Variants in MICAL1 observed in about 807,000 individuals in gnomAD.
The protein encoded by MICAL1 is [F-actin]-monooxygenase MICAL1.
A neutral mutation model predicts 131.8 loss-of-function variants in MICAL1; 95 were observed. That is an observed-to-expected ratio of 0.72 (90% CI 0.61 to 0.86). MICAL1 has a LOEUF of 0.86. Ranked by LOEUF, MICAL1 falls within the 40% of genes least tolerant of loss-of-function variation. MICAL1 has a pLI of 0.00. For synonymous variants in MICAL1, 546 were observed against 554.2 expected, an observed-to-expected ratio of 0.99 and a Z score of 0.21; for missense variants, 1,292 against 1,380.6, an observed-to-expected ratio of 0.94 and a Z score of 1.02.
At chr6:109,460,359 TAA>T (rs1351361975), upstream of MICAL1, among the ~76,000 whole-genome samples, 1 of 143,804 alleles carries the variant, frequency 7.0e-6, no homozygotes, top group Non-Finnish European at 1.5e-5. Flanking sequence ...CTCAGGAGGC[TAA>T]GAGGCTGTAG....
chr6:109,444,067 G>A lies in MICAL1; in HGVS notation c.*124C>T, dbSNP rs764917010. On this transcript the variant is annotated 3_prime_UTR_variant, in exon 25 of 25. Coordinates refer to ENST00000358807, the MANE Select transcript of MICAL1 (RefSeq NM_022765.4). ...TGTAGGCGGTGTGAACGCTGTTTGT[G>A]GCAGAAACATTTTAATTGTAAACAG... 213 of 1,480,414 alleles carry A rather than the reference G, an allele frequency of 1.4e-4. No homozygotes were observed. The highest frequency in any genetic ancestry group is 1.9e-4 in the Non-Finnish European group (206 of 1,112,024). 91.7% of individuals were successfully genotyped at this position (1,480,414 alleles called of 1,614,324 possible). A position where few individuals can be genotyped will look rare whatever the true frequency, so the allele number is the denominator to read the frequency against.
upstream of MICAL1, among the ~76,000 whole-genome samples, chr6:109,458,441 C>A (rs1393181416): frequency 6.6e-6 from 1 of 151,954 alleles, no homozygotes; most frequent in African/African-American, 2.4e-5. Flanking sequence ...ATGAAAAATA[C>A]AAAATTAGCC....
intron 11 of MICAL1, 135 bp from the exon 12 acceptor site, chr6:109,449,014 A>C (rs1775384728): frequency 2.6e-6 from 3 of 1,166,416 alleles, no homozygotes; most frequent in Non-Finnish European, 3.6e-6. Context: ...CACCAGCCTA[A>C]AGCTGACTAT....
intron 6 of MICAL1, 173 bp from the exon 7 acceptor site, chr6:109,451,873 C>T: frequency 7.1e-7 from 1 of 1,410,298 alleles, no homozygotes; most frequent in Non-Finnish European, 9.2e-7. Flanking sequence ...CTGTCCCAGG[C>T]CCAGGAGGCC....
At position 109,453,977 on chromosome 6, in the gene MICAL1, G is replaced by A; in HGVS notation, c.220C>T (p.Pro74Ser). The A allele has an allele frequency of 6.2e-7, 1 of 1,614,040 alleles. No homozygotes were observed. The highest frequency in any genetic ancestry group is 8.5e-7 in the Non-Finnish European group (1 of 1,180,028). ...CAGGCCCGGCCCTGCTGGTAGACAG[G>A]CTGGCCTGCTCGCTTGTCCAGCTTG... ...WTKLDKRAGQ[P>S]VYQQGRACTS... Residue 74 changes from proline to serine, a missense_variant, in exon 2 of 25, where the codon CCT becomes TCT. Physicochemically the swap from Pro to Ser is moderately conservative, Grantham distance 74. Coordinates refer to ENST00000358807, the MANE Select transcript of MICAL1 (RefSeq NM_022765.4).
At chr6:109,465,607 T>C (rs1582667216) in intron 1 of MICAL1, 1 of 1,517,486 alleles carries the variant, frequency 6.6e-7, no homozygotes, top group East Asian at 2.4e-5. Context: ...TATGAGACAT[T>C]GCAGATTAAA....
intron 20 of MICAL1, 38 bp from the exon 21 acceptor site, chr6:109,445,567 G>A: frequency 1.2e-6 from 2 of 1,600,256 alleles, no homozygotes; most frequent in Non-Finnish European, 1.7e-6. Flanking sequence ...TAGGGCCTGG[G>A]CCCCCTGGTG....
At chr6:109,453,117 G>T in intron 4 of MICAL1, 146 bp downstream of exon 4, 1 of 633,236 alleles carries the variant, frequency 1.6e-6, no homozygotes, top group Non-Finnish European at 2.8e-6. Context: ...CCGAGATCAT[G>T]CCACTGCACT....
Position 109,445,014 on chromosome 6 carries a change from G to A in MICAL1, c.2882-19C>T. 6.2e-7 allele frequency: 1 copy of A among 1,611,542 alleles called. No individual in the cohort carries two copies. ...GGGGAACCTGAGAAGAAGGAAGATGGGTAGGGTGATCAGGAGGCTTCCAGC... is the reference window on the plus strand; with the variant it reads ...GGGGAACCTGAGAAGAAGGAAGATGAGTAGGGTGATCAGGAGGCTTCCAGC... On this transcript the variant is annotated intron_variant, in intron 22 of 24. Coordinates refer to ENST00000358807, the MANE Select transcript of MICAL1 (RefSeq NM_022765.4).
rs1775696023 is a variant in MICAL1 at position 109,455,138 on chromosome 6, G to T, written c.-44+581C>A. On this transcript the variant is annotated intron_variant, in intron 1 of 24. Coordinates refer to ENST00000358807, the MANE Select transcript of MICAL1 (RefSeq NM_022765.4). This position sits in a 1 kb window ranked among gnomAD's most constrained non-coding sequence, Gnocchi z 4.7. ...GTCGCCCCCTCCCACGCCACCTGAAGGGTGCCCGAGGGGGTTTCTCACGCG... is the reference window on the plus strand; with the variant it reads ...GTCGCCCCCTCCCACGCCACCTGAATGGTGCCCGAGGGGGTTTCTCACGCG... 6.6e-6 allele frequency among the ~76,000 whole-genome samples: 1 copy of T among 152,090 alleles called. No individual in the cohort carries two copies. Among genetic ancestry groups the T allele is most frequent in the African/African-American group, 2.4e-5 (1 of 41,436 alleles).
At chr6:109,445,154 C>T in intron 22 of MICAL1, 43 bp downstream of exon 22, 3 of 1,607,812 alleles carry the variant, frequency 1.9e-6, no homozygotes, top group Non-Finnish European at 2.5e-6. Flanking sequence ...TGGAGCTGAA[C>T]ACAGTGCTAG....
rs763589445 is a variant in MICAL1 at position 109,454,167 on chromosome 6, C to T, written c.30G>A (p.Ala10=). 10 of 1,608,158 alleles carry T rather than the reference C, an allele frequency of 6.2e-6. No individual in the cohort carries two copies. The highest frequency in any genetic ancestry group is 1.7e-5 in the Admixed American group (1 of 59,154). MASPTSTNP[A]HAHFESFLQA... ...GCAGGAAGCTCTCAAAGTGGGCATG[C>T]GCTGGGTTGGTGGAGGTAGGTGAAG... is the stretch of plus-strand genomic sequence containing the variant. Residue 10 remains alanine, a synonymous_variant, in exon 2 of 25, where the codon GCG becomes GCA. Coordinates refer to ENST00000358807, the MANE Select transcript of MICAL1 (RefSeq NM_022765.4).
chr6:109,447,294 C>T, intron 16 of MICAL1, 63 bp downstream of exon 16: 2 of 1,613,978 alleles, frequency 1.2e-6, no homozygotes, highest in South Asian at 1.1e-5. Flanking sequence ...TCTTTCCCTC[C>T]CATGAAACGC....
intron 11 of MICAL1, 92 bp from the exon 12 acceptor site, chr6:109,448,971 G>A: frequency 6.5e-7 from 1 of 1,536,928 alleles, no homozygotes; most frequent in East Asian, 2.4e-5. Context: ...GTTCTGTAGG[G>A]GAGGAGGAGT....
chr6:109,462,269 T>C (rs1480361926), intron 1 of MICAL1, among the ~76,000 whole-genome samples: 3 of 152,206 alleles, frequency 2.0e-5, no homozygotes, highest in Non-Finnish European at 1.5e-5. Flanking sequence ...CCAACCCCAC[T>C]GACACGTTGA....
Position 109,450,404 on chromosome 6 carries a change from C to T in MICAL1, c.1087G>A (p.Ala363Thr). The part of the protein sequence containing the change: ...QDAHGQPDVS[A>T]FDFTSMMRAE... ...CGCATCATGCTCGTGAAGTCAAAGG[C>T]AGAGACATCAGGCTGCCCATGGGCA... The change falls in exon 8 of 25, where the codon GCC becomes ACC. Residue 363 changes from alanine to threonine, a missense_variant. Ala to Thr is a moderately conservative substitution (Grantham distance 58). Coordinates refer to ENST00000358807, the MANE Select transcript of MICAL1 (RefSeq NM_022765.4). 6.2e-7 allele frequency: 1 copy of T among 1,613,600 alleles called. No individual in the cohort carries two copies. The highest frequency in any genetic ancestry group is 8.5e-7 in the Non-Finnish European group (1 of 1,179,962).
In MICAL1 at chr6:109,449,825, G is replaced by A. The variant is rs115958928; in HGVS notation, c.1308-42C>T. ...AAGGGGCAGGGGCATGAATGGGAGGGCACCTGTCAGCACCCACCTCTCAGG... is the reference window on the plus strand; with the variant it reads ...AAGGGGCAGGGGCATGAATGGGAGGACACCTGTCAGCACCCACCTCTCAGG... On this transcript the variant is annotated intron_variant, in intron 9 of 24. Transcript: ENST00000358807. The A allele has an allele frequency of 6.6e-5, 104 of 1,586,630 alleles. 1 individual carries two copies. In the African/African-American group the frequency reaches 1.3e-3, roughly 20 times the overall value.
rs1364152874 is a variant in MICAL1, at chr6:109,455,736, G to C, written c.-61C>G. The stretch of plus-strand genomic sequence containing the variant: ...CGACTTACCGGCGGCTCCGAAGCCG[G>C]GAGGGGCCGCTTCCTGTTGGGCTGG... On this transcript the variant is annotated 5_prime_UTR_variant, in exon 1 of 25. Coordinates refer to ENST00000358807, the MANE Select transcript of MICAL1 (RefSeq NM_022765.4). This position sits in a 1 kb window ranked among gnomAD's most constrained non-coding sequence, Gnocchi z 4.7. 12 of 984,232 alleles carry C rather than the reference G, an allele frequency of 1.2e-5. No individual in the cohort carries two copies. The highest frequency in any genetic ancestry group is 1.3e-5 in the Non-Finnish European group (11 of 829,688). 61.0% of individuals were successfully genotyped at this position (984,232 alleles called of 1,614,324 possible).
Position 109,446,764 on chromosome 6 carries a change from A to G in MICAL1, c.2236T>C (p.Tyr746His). Residue 746 changes from tyrosine to histidine, a missense_variant, in exon 18 of 25, where the codon TAC becomes CAC. Coordinates refer to ENST00000358807, the MANE Select transcript of MICAL1 (RefSeq NM_022765.4). ...YEQHPGDGHF[Y>H]CLQHLPQTDH... ...GTCTGGGGCAGGTGCTGGAGGCAGT[A>G]GAAATGTCCTGGAAAGGGTAGAGAG... The G allele has an allele frequency of 6.2e-7, 1 of 1,613,570 alleles. No individual in the cohort carries two copies.
Sources: gnomAD v4.1 joint callset for allele counts (sites outside exome capture counted in the v4.1 genomes callset) on GRCh38, gnomAD v4.1.1 for gene constraint, Gnocchi (gnomAD v3.1) non-coding constraint, MANE v1.5 for transcripts, NCBI Gene and HGNC (gene_info 2026-07-23, HGNC 2026-07-21) for gene names.